The following RNF24 variants were observed in gnomAD, a reference collection of about 807,000 sequenced individuals.
RNF24 encodes ring finger protein 24.
In RNF24, 14 loss-of-function variants were observed where a neutral mutation model predicts 20.0. That is an observed-to-expected ratio of 0.70 (90% CI 0.46 to 1.10). The LOEUF (loss-of-function observed/expected upper bound fraction) is 1.10, where lower values mean the gene tolerates loss of function less well. Ranked by LOEUF, RNF24 falls within the 50% of genes least tolerant of loss-of-function variation. RNF24 has a pLI of 0.00. For synonymous variants in RNF24, 45 were observed against 61.1 expected (o/e 0.74, Z 1.23); for missense variants, 124 against 177.6 (o/e 0.70, Z 1.71).
At chr20:4,008,108 G>A (rs867240778) in intron 1 of RNF24, among the ~76,000 whole-genome samples, 2 of 150,132 alleles carry the variant, frequency 1.3e-5, no homozygotes, top group African/African-American at 4.9e-5. Context: ...CTCCCAAGAC[G>A]AGTACTGAGT....
chr20:3,993,448 A>G (rs6052224), intron 1 of RNF24, among the ~76,000 whole-genome samples: 20,327 of 152,010 alleles, frequency 0.13, 1,542 homozygotes, highest in Non-Finnish European at 0.17. Flanking sequence ...CACCACACCC[A>G]GCTAAGTTTT....
chr20:3,952,710 C>CG (rs1289524139), intron 2 of RNF24, among the ~76,000 whole-genome samples: 3 of 151,048 alleles, frequency 2.0e-5, no homozygotes, highest in Non-Finnish European at 4.4e-5. Flanking sequence ...TGTAGATACT[C>CG]TTTCAAATTT....
intron 2 of RNF24, among the ~76,000 whole-genome samples, chr20:3,948,743 C>A (rs2146962926): frequency 6.6e-6 from 1 of 152,234 alleles, no homozygotes; most frequent in South Asian, 2.1e-4. Flanking sequence ...AGAGGTAGCA[C>A]TATCCTGATT....
rs1261169452 is a variant in RNF24, at chr20:3,928,451, ATG to A, written c.*5610_*5611del. On this transcript the variant is annotated 3_prime_UTR_variant, in exon 6 of 6. Transcript: ENST00000358395. ...CTAACTTTCATCAGCGGGGACAAAAATGAACTTAAACTAAAAAAATTATTGGC... is the reference window on the plus strand; with the variant it reads ...CTAACTTTCATCAGCGGGGACAAAAAAACTTAAACTAAAAAAATTATTGGC... 6.6e-6 allele frequency: 1 copy of A among 152,198 alleles called. No homozygotes were observed. The highest frequency in any genetic ancestry group is 1.5e-5 in the Non-Finnish European group (1 of 68,072). The allele number at this position is 152,198 out of a possible 1,614,324, so 9.4% of individuals were successfully genotyped here.
intron 1 of RNF24, among the ~76,000 whole-genome samples, chr20:4,007,753 A>G (rs1366091366): frequency 3.3e-5 from 5 of 150,956 alleles, no homozygotes; most frequent in East Asian, 3.9e-4. Context: ...AAAAAAAAAA[A>G]AAAAGAAAAA....
chr20:3,963,026 T>C (rs1326533256), intron 2 of RNF24, among the ~76,000 whole-genome samples: 1 of 152,146 alleles, frequency 6.6e-6, no homozygotes, highest in Non-Finnish European at 1.5e-5. Context: ...AATAGTTTAA[T>C]AGAAATGTCA....
chr20:4,012,692 C>T (rs1204757309), intron 1 of RNF24, among the ~76,000 whole-genome samples: 1 of 152,124 alleles, frequency 6.6e-6, no homozygotes, highest in East Asian at 1.9e-4. Context: ...CATCATACTA[C>T]AGAATGCTAA....
chr20:3,983,732 G>T (rs1568650258), intron 1 of RNF24, among the ~76,000 whole-genome samples: 2 of 151,980 alleles, frequency 1.3e-5, no homozygotes, highest in African/African-American at 4.8e-5. Flanking sequence ...CCTGAGGTCA[G>T]ATGTTTGAGA....
At chr20:4,013,975 C>T (rs1321867225) in intron 1 of RNF24, among the ~76,000 whole-genome samples, 1 of 152,208 alleles carries the variant, frequency 6.6e-6, no homozygotes, top group Non-Finnish European at 1.5e-5. Flanking sequence ...TCCCAATAGC[C>T]TCTTTTTAAT....
intron 1 of RNF24, among the ~76,000 whole-genome samples, chr20:3,985,573 C>T (rs1979815322): frequency 6.6e-6 from 1 of 152,020 alleles, no homozygotes; most frequent in Admixed American, 6.6e-5. Flanking sequence ...TTCCACAGTT[C>T]TAAAATCCAG....
intron 1 of RNF24, among the ~76,000 whole-genome samples, chr20:3,980,748 G>A (rs936757317): frequency 6.6e-6 from 1 of 152,060 alleles, no homozygotes; most frequent in Admixed American, 6.5e-5. Context: ...GACTGAATCT[G>A]GCCTGAACAA....
At chr20:3,989,755 G>A (rs549002286) in intron 1 of RNF24, among the ~76,000 whole-genome samples, 3 of 152,206 alleles carry the variant, frequency 2.0e-5, no homozygotes, top group African/African-American at 7.2e-5. Flanking sequence ...GAGTCTCCAG[G>A]CCCCTCTTTC....
In RNF24 at chr20:3,933,782, A is replaced by T; in HGVS notation, c.*281T>A. 7.8e-6 allele frequency: 2 copies of T among 257,454 alleles called. No individual in the cohort carries two copies. The highest frequency in any genetic ancestry group is 7.1e-5 in the East Asian group (1 of 14,016). The allele number at this position is 257,454 out of a possible 1,614,324, so 15.9% of individuals were successfully genotyped here. Reference sequence around the variant, plus strand: ...ATGGAGATGAGGCTCCAGGAGAGAGAGTGTAATGGAGTTAGTAAGAGACCC... The same window carrying T: ...ATGGAGATGAGGCTCCAGGAGAGAGTGTGTAATGGAGTTAGTAAGAGACCC... On this transcript the variant is annotated 3_prime_UTR_variant, in exon 6 of 6. Coordinates refer to ENST00000358395, the MANE Select transcript of RNF24 (RefSeq NM_001134337.3).
At chr20:3,985,438 GT>G (rs1476737641) in intron 1 of RNF24, among the ~76,000 whole-genome samples, 3 of 151,724 alleles carry the variant, frequency 2.0e-5, no homozygotes, top group Non-Finnish European at 4.4e-5. Context: ...AATAGCCTTT[GT>G]GTTTTTTATC....
intron 1 of RNF24, among the ~76,000 whole-genome samples, chr20:3,984,765 T>C (rs1979733477): frequency 6.6e-6 from 1 of 152,190 alleles, no homozygotes; most frequent in East Asian, 1.9e-4. Flanking sequence ...TTATTTTTTA[T>C]TCTTCAGAGG....
At chr20:3,955,942 T>G (rs549827007) in intron 2 of RNF24, among the ~76,000 whole-genome samples, 2 of 152,326 alleles carry the variant, frequency 1.3e-5, no homozygotes, top group African/African-American at 4.8e-5. Flanking sequence ...TCATTGTTGA[T>G]GCACAGAAAC....
intron 1 of RNF24, among the ~76,000 whole-genome samples, chr20:3,966,105 A>G (rs184774464): frequency 7.4e-6 from 1 of 135,494 alleles, no homozygotes. Flanking sequence ...ACTGCACTCT[A>G]CCTGGGTGAC....
intron 1 of RNF24, among the ~76,000 whole-genome samples, chr20:4,006,680 T>C (rs1415367847): frequency 6.6e-6 from 1 of 152,258 alleles, no homozygotes; most frequent in Admixed American, 6.5e-5. Context: ...TGTAACATTA[T>C]CTAAATAGCA....
chr20:3,988,115 G>A (rs923015851), intron 1 of RNF24, among the ~76,000 whole-genome samples: 1 of 151,954 alleles, frequency 6.6e-6, no homozygotes, highest in Non-Finnish European at 1.5e-5. Flanking sequence ...TTAGGCCCAC[G>A]AGTTCAAGAC....
Sources: allele counts gnomAD v4.1 joint callset (sites outside exome capture counted in the v4.1 genomes callset), GRCh38; gene constraint gnomAD v4.1.1; transcripts MANE v1.5; gene names NCBI Gene and HGNC (gene_info 2026-07-23, HGNC 2026-07-21).